THADA: variants seen among roughly 807,000 people sequenced by gnomAD.
THADA encodes THADA armadillo repeat containing.
Under a neutral mutation model 219.8 loss-of-function variants are expected in THADA, and 213 were observed. The observed-to-expected ratio is 0.97, with a 90% CI of 0.87 to 1.09. The LOEUF is 1.09. Ranked by LOEUF, THADA falls within the 50% of genes least tolerant of loss-of-function variation. THADA has a pLI of 0.00. For synonymous variants in THADA, 1,018 were observed against 828.9 expected, an observed-to-expected ratio of 1.23 and a Z score of -3.92; for missense variants, 2,956 against 2,311.3, an observed-to-expected ratio of 1.28 and a Z score of -5.72.
chr2:43,366,592 T>A (rs186274638), intron 29 of THADA, among the ~76,000 whole-genome samples: 1 of 152,306 alleles, frequency 6.6e-6, no homozygotes, highest in African/African-American at 2.4e-5. Context: ...AGCAAAAGTT[T>A]ACATACAACA....
intron 20 of THADA, among the ~76,000 whole-genome samples, chr2:43,543,341 G>C (rs1379805991): frequency 6.7e-6 from 1 of 148,456 alleles, no homozygotes; most frequent in African/African-American, 2.5e-5. Context: ...ACATACATGT[G>C]CATGTGTCTT....
At chr2:43,528,938 T>C (rs1433498974) in intron 21 of THADA, among the ~76,000 whole-genome samples, 1 of 152,092 alleles carries the variant, frequency 6.6e-6, no homozygotes, top group Admixed American at 6.6e-5. Flanking sequence ...TCTTCCCAAA[T>C]GGAAACTCCA....
At chr2:43,530,742 C>A (rs1019685963) in intron 21 of THADA, among the ~76,000 whole-genome samples, 17 of 152,168 alleles carry the variant, frequency 1.1e-4, no homozygotes, top group Admixed American at 9.2e-4. Context: ...ATTTTCATTG[C>A]TTCCTTTATT....
intron 29 of THADA, among the ~76,000 whole-genome samples, chr2:43,384,294 G>A (rs948812375): frequency 2.6e-5 from 4 of 152,168 alleles, no homozygotes; most frequent in Non-Finnish European, 4.4e-5. Flanking sequence ...CTTCTCTAAT[G>A]AGGCTGTTGA....
At chr2:43,287,646 C>T (rs1416824683) in intron 34 of THADA, among the ~76,000 whole-genome samples, 3 of 152,152 alleles carry the variant, frequency 2.0e-5, no homozygotes, top group African/African-American at 7.2e-5. Context: ...CACTGGCATA[C>T]ATTTGGTCTG....
intron 23 of THADA, 74 bp downstream of exon 23, chr2:43,508,574 C>G: frequency 1.4e-6 from 2 of 1,465,460 alleles, no homozygotes; most frequent in East Asian, 4.6e-5. Context: ...CTCACTCACA[C>G]GTCAAACAGG....
At position 43,586,303 on chromosome 2, in the gene THADA, T is replaced by C. The variant is rs1701021359; in HGVS notation, c.533+98A>G. 6 of 1,014,056 alleles carry C rather than the reference T, an allele frequency of 5.9e-6. No homozygotes were observed. The South Asian group carries it at 1.1e-4, about 19-fold the overall frequency. The allele number at this position is 1,014,056 out of a possible 1,614,324, so 62.8% of individuals were successfully genotyped here. A position where few individuals can be genotyped will look rare whatever the true frequency, so the allele number is the denominator to read the frequency against. On this transcript the variant is annotated intron_variant, in intron 7 of 37. Transcript: ENST00000405975. ...AAGTGATAATATTAATGAAAAGGGA[T>C]GAAAAGATCACATTCTGAGACTTTT...
chr2:43,286,816 G>C (rs1252012752), intron 35 of THADA, 92 bp downstream of exon 35: 1 of 1,439,448 alleles, frequency 6.9e-7, no homozygotes, highest in African/African-American at 1.4e-5. Context: ...GTGTCATGTT[G>C]CCATCTTTCA....
At position 43,286,974 on chromosome 2, in the gene THADA, G is replaced by T. The variant is rs1281120845; in HGVS notation, c.5098C>A (p.Leu1700Met). ...CTGGTGAGGACTTCAACGACGGCCA[G>T]CCTAGACTCTGTAGGAAGATGGTCT... ...CEDHLPTESR[L>M]AVVEVLTSTT... The change falls in exon 35 of 38, where the codon CTG (leucine) becomes ATG (methionine). Residue 1700 changes from leucine to methionine, a missense_variant. Transcript: ENST00000405975. The T allele has an allele frequency of 6.2e-7, 1 of 1,613,988 alleles. No homozygotes were observed.
rs554652734 is a variant in THADA at position 43,342,272 on chromosome 2, G to A, written c.4343+1850C>T. Among the ~76,000 whole-genome samples, 32 of 152,224 alleles carry A rather than the reference G, an allele frequency of 2.1e-4. No individual in the cohort carries two copies. In the South Asian group the frequency reaches 4.8e-3, roughly 23 times the overall value. ...ATGAGAGGCTCCCAATAACTTTACC[G>A]GCATTTCAGACACAAGATAATTTCT... On this transcript the variant is annotated intron_variant, in intron 30 of 37. Transcript: ENST00000405975.
intron 17 of THADA, among the ~76,000 whole-genome samples, chr2:43,555,561 C>A (rs561975278): frequency 1.0e-3 from 155 of 152,182 alleles, no homozygotes; most frequent in Admixed American, 4.7e-3. Flanking sequence ...TCAATAGGGT[C>A]TCCTTTGAAA....
At chr2:43,501,942 T>A (rs1286229799) in intron 24 of THADA, among the ~76,000 whole-genome samples, 3 of 143,248 alleles carry the variant, frequency 2.1e-5, no homozygotes, top group Non-Finnish European at 1.5e-5. Flanking sequence ...AGACTCCATC[T>A]CAAAAAAGTT....
intron 28 of THADA, among the ~76,000 whole-genome samples, chr2:43,419,816 ATTTAAAT>A (rs2104786120): frequency 7.7e-6 from 1 of 129,532 alleles, no homozygotes; most frequent in Non-Finnish European, 1.7e-5. Flanking sequence ...GTATTACTAA[ATTTAAAT>A]TTTTTTTCCC....
intron 30 of THADA, chr2:43,333,171 G>C (rs1364164496): frequency 6.6e-6 from 1 of 152,156 alleles, no homozygotes; most frequent in Non-Finnish European, 1.5e-5. Context: ...CCACTGGCTT[G>C]GGTTGAAATA....
intron 4 of THADA, 78 bp from the exon 5 acceptor site, chr2:43,587,080 A>G: frequency 7.1e-7 from 1 of 1,400,218 alleles, no homozygotes; most frequent in East Asian, 2.4e-5. Flanking sequence ...GAATCATACA[A>G]ATGTGGGAAT....
intron 21 of THADA, 116 bp from the exon 22 acceptor site, chr2:43,528,104 A>G: frequency 1.8e-6 from 1 of 544,546 alleles, no homozygotes; most frequent in East Asian, 3.3e-5. Flanking sequence ...AGCGCTTACC[A>G]TATGACAGAA....
intron 29 of THADA, among the ~76,000 whole-genome samples, chr2:43,388,841 A>G (rs1416053164): frequency 1.3e-5 from 2 of 152,166 alleles, no homozygotes; most frequent in Non-Finnish European, 2.9e-5. Context: ...TATTATTTCA[A>G]TGTACAACAT....
rs555107074 is a variant in THADA, at chr2:43,253,271, A to G, written c.5297-20389T>C. 3.9e-5 allele frequency among the ~76,000 whole-genome samples: 6 copies of G among 152,294 alleles called. No individual in the cohort carries two copies. The East Asian group carries it at 1.2e-3, about 29-fold the overall frequency. On this transcript the variant is annotated intron_variant, in intron 36 of 37. Transcript: ENST00000405975. ...GCTGGATAGAGGTCATGGGGGAGGT[A>G]TAAGGTGCTGTGTGAAGGATGTGTG...
Position 43,353,597 on chromosome 2 carries a change from A to C in THADA, c.4228-9360T>G, listed in dbSNP as rs1230517557. ...CATAAATCTTAGATAATAACCCCTT[A>C]TCTGATACATGGCTTGCAAATACTT... is the stretch of plus-strand genomic sequence containing the variant. On this transcript the variant is annotated intron_variant, in intron 29 of 37. Transcript: ENST00000405975. Among the ~76,000 whole-genome samples the C allele has an allele frequency of 3.3e-5, 5 of 152,190 alleles. No homozygotes were observed. In the East Asian group the frequency reaches 9.6e-4, roughly 29 times the overall value.
Sources: gnomAD v4.1 joint callset for allele counts (sites outside exome capture counted in the v4.1 genomes callset) on GRCh38, gnomAD v4.1.1 for gene constraint, MANE v1.5 for transcripts, NCBI Gene and HGNC (gene_info 2026-07-23, HGNC 2026-07-21) for gene names.